Variants in OR10A2 observed in about 807,000 individuals in gnomAD.
OR10A2 encodes olfactory receptor 10A2.
Under a neutral mutation model 13.7 loss-of-function variants are expected in OR10A2, and 15 were observed. That is an observed-to-expected ratio of 1.10 (90% CI 0.73 to 1.69). The LOEUF (loss-of-function observed/expected upper bound fraction) is 1.69. Ranked by LOEUF, OR10A2 falls within the 40% of genes most tolerant of loss-of-function variation. The pLI is 0.00. For missense variants in OR10A2, 343 were observed against 361.1 expected, an observed-to-expected ratio of 0.95 and a Z score of 0.41; for synonymous variants, 145 against 144.7, an observed-to-expected ratio of 1.00 and a Z score of -0.02.
chr11:6,868,304 C>A (rs1848396149), intron 1 of OR10A2, among the ~76,000 whole-genome samples: 1 of 152,056 alleles, frequency 6.6e-6, no homozygotes, highest in Non-Finnish European at 1.5e-5. Context: ...CAAGACCTGA[C>A]TAATATTTAG....
intron 1 of OR10A2, 118 bp from the exon 2 acceptor site, chr11:6,869,505 G>A: frequency 1.9e-6 from 1 of 520,686 alleles, no homozygotes; most frequent in South Asian, 2.6e-5. Flanking sequence ...TCCTCTAGAA[G>A]CTGATTCAGG....
Position 6,870,500 on chromosome 11 carries a change from C to G in OR10A2, c.746C>G (p.Pro249Arg). 1 of 1,614,126 alleles carries G rather than the reference C, an allele frequency of 6.2e-7. No homozygotes were observed. Among genetic ancestry groups the G allele is most frequent in the Non-Finnish European group, 8.5e-7 (1 of 1,179,998 alleles). Reference protein sequence around the residue: ...YISLSLTYFRPKSNNSPEGKK... With the variant: ...YISLSLTYFRRKSNNSPEGKK... ...TCATTAAGCCTCACCTACTTCCGGC[C>G]TAAATCAAATAATTCACCTGAGGGC... is the stretch of plus-strand genomic sequence containing the variant. Residue 249 changes from proline to arginine, a missense_variant, in exon 2 of 2, where the codon CCT (proline) becomes CGT (arginine). Pro to Arg is a moderately radical substitution (Grantham distance 103, BLOSUM62 -2). Transcript: ENST00000641461.
rs1848437257 is a variant in OR10A2, at chr11:6,871,689, G to T, written c.*1023G>T. 1 of 152,008 alleles carries T rather than the reference G, an allele frequency of 6.6e-6. No individual in the cohort carries two copies. The highest frequency in any genetic ancestry group is 2.4e-5 in the African/African-American group (1 of 41,390). The allele number at this position is 152,008 out of a possible 1,614,324, so 9.4% of individuals were successfully genotyped here. ...TAAATTTCAGTCATAGCTTTGCTTT[G>T]ATGAGAACAAAGCTCCAGAATAAGT... On this transcript the variant is annotated 3_prime_UTR_variant, in exon 2 of 2. Coordinates refer to ENST00000641461, the MANE Select transcript of OR10A2 (RefSeq NM_001004460.2).
Position 6,870,569 on chromosome 11 carries a change from T to A in OR10A2, c.815T>A (p.Leu272Ter). The A allele has an allele frequency of 6.2e-7, 1 of 1,614,144 alleles. No homozygotes were observed. The highest frequency in any genetic ancestry group is 2.2e-5 in the East Asian group (1 of 44,886). ...SLSYTVMTPM[L>*]NPIIYSLRNN... ...TCCTACACTGTTATGACTCCCATGTTGAACCCCATTATCTACAGCCTGAGA... is the reference window on the plus strand; with the variant it reads ...TCCTACACTGTTATGACTCCCATGTAGAACCCCATTATCTACAGCCTGAGA... Residue 272 changes from leucine to a stop codon, truncating the protein, a stop_gained, in exon 2 of 2, where the codon TTG (leucine) becomes TAG (stop). Coordinates refer to ENST00000641461, the MANE Select transcript of OR10A2 (RefSeq NM_001004460.2). LOFTEE classifies it high-confidence loss of function.
chr11:6,869,986 A>G lies in OR10A2; in HGVS notation c.232A>G (p.Thr78Ala). Residue 78 changes from threonine (T) to alanine (A), a missense_variant, in exon 2 of 2, where the codon ACC becomes GCC. By Grantham distance (58) the Thr-to-Ala change is moderately conservative. Transcript: ENST00000641461. ...GGGGACCCTGCTTGCCCAGGACACA[A>G]CCATCTCCTTCCTTGGCTGTGCCAC... ...MLGTLLAQDTTISFLGCATQM... is the reference protein window; with the variant it reads ...MLGTLLAQDTAISFLGCATQM... The G allele has an allele frequency of 1.2e-6, 2 of 1,614,128 alleles. No individual in the cohort carries two copies. Among genetic ancestry groups the G allele is most frequent in the Non-Finnish European group, 1.7e-6 (2 of 1,180,012 alleles).
Position 6,873,375 on chromosome 11 carries a change from C to A in OR10A2, c.*2709C>A, listed in dbSNP as rs1043128152. 6.6e-6 allele frequency: 1 copy of A among 152,210 alleles called. No individual in the cohort carries two copies. Among genetic ancestry groups the A allele is most frequent in the Non-Finnish European group, 1.5e-5 (1 of 68,048 alleles). The allele number at this position is 152,210 out of a possible 1,614,324, so 9.4% of individuals were successfully genotyped here. ...AACAACAGTAGAATGAAAATACCAA[C>A]AATGCTTGGATTAGAACAATGATGC... On this transcript the variant is annotated 3_prime_UTR_variant, in exon 2 of 2. Coordinates refer to ENST00000641461, the MANE Select transcript of OR10A2 (RefSeq NM_001004460.2).
chr11:6,865,508 G>T (rs1054260955), intron 1 of OR10A2, among the ~76,000 whole-genome samples: 1 of 151,946 alleles, frequency 6.6e-6, no homozygotes, highest in African/African-American at 2.4e-5. Flanking sequence ...ATAATAGTCA[G>T]CACTGAACAA....
rs376064028 is a variant in OR10A2, at chr11:6,872,727, A to G, written c.*2061A>G. On this transcript the variant is annotated 3_prime_UTR_variant, in exon 2 of 2. Coordinates refer to ENST00000641461, the MANE Select transcript of OR10A2 (RefSeq NM_001004460.2). ...GGTATCGAACTTCTGAGTTCAAGCA[A>G]TCCTTCTGCCTGAACCTCTCAAAGT... is the stretch of plus-strand genomic sequence containing the variant. 4.6e-5 allele frequency: 7 copies of G among 152,164 alleles called. No homozygotes were observed. Among genetic ancestry groups the G allele is most frequent in the African/African-American group, 1.7e-4 (7 of 41,494 alleles). The allele number at this position is 152,164 out of a possible 1,614,324, so 9.4% of individuals were successfully genotyped here.
At position 6,874,335 on chromosome 11, in the gene OR10A2, T is replaced by C. The variant is rs1430893899; in HGVS notation, c.*3669T>C. 6.6e-6 allele frequency: 1 copy of C among 152,240 alleles called. No individual in the cohort carries two copies. Among genetic ancestry groups the C allele is most frequent in the Non-Finnish European group, 1.5e-5 (1 of 68,040 alleles). 9.4% of individuals were successfully genotyped at this position (152,240 alleles called of 1,614,324 possible). On this transcript the variant is annotated 3_prime_UTR_variant, in exon 2 of 2. Transcript: ENST00000641461. Reference sequence around the variant, plus strand: ...CACAATTTCTATTTCAAGGAGCATGTCATCTACTGTATGAGACAAATACAT... The same window carrying C: ...CACAATTTCTATTTCAAGGAGCATGCCATCTACTGTATGAGACAAATACAT...
In OR10A2 at chr11:6,874,478, C is replaced by A. The variant is rs1848465961; in HGVS notation, c.*3812C>A. ...AAATTGTGTTGCTTTGTTCTTACTA[C>A]CACCCTGTACTGGATACTGGCTTGT... On this transcript the variant is annotated 3_prime_UTR_variant, in exon 2 of 2. Coordinates refer to ENST00000641461, the MANE Select transcript of OR10A2 (RefSeq NM_001004460.2). The A allele has an allele frequency of 6.6e-6, 1 of 151,484 alleles. No individual in the cohort carries two copies. The highest frequency in any genetic ancestry group is 2.1e-4 in the South Asian group (1 of 4,774). The allele number at this position is 151,484 out of a possible 1,614,324, so 9.4% of individuals were successfully genotyped here.
At chr11:6,864,064 G>A (rs115635227) in intron 1 of OR10A2, among the ~76,000 whole-genome samples, 2,373 of 152,296 alleles carry the variant, frequency 0.016, 53 homozygotes, top group African/African-American at 0.055. Context: ...GAAGCCAAAA[G>A]ATTGGACACC....
At position 6,870,558 on chromosome 11, in the gene OR10A2, G is replaced by A. The variant is rs1381378712; in HGVS notation, c.804G>A (p.Met268Ile). The A allele has an allele frequency of 1.2e-6, 2 of 1,613,958 alleles. No individual in the cohort carries two copies. The highest frequency in any genetic ancestry group is 1.7e-5 in the Admixed American group (1 of 60,006). ...TGCTATCATTGTCCTACACTGTTAT[G>A]ACTCCCATGTTGAACCCCATTATCT... is the stretch of plus-strand genomic sequence containing the variant. Reference protein sequence around the residue: ...KKLLSLSYTVMTPMLNPIIYS... With the variant: ...KKLLSLSYTVITPMLNPIIYS... Residue 268 changes from methionine to isoleucine, a missense_variant, in exon 2 of 2, where the codon ATG becomes ATA. Met to Ile is a conservative substitution (Grantham distance 10). Transcript: ENST00000641461.
Position 6,869,685 on chromosome 11 carries a change from C to G in OR10A2, c.-70C>G. The G allele has an allele frequency of 7.9e-7, 1 of 1,262,194 alleles. No homozygotes were observed. The allele number at this position is 1,262,194 out of a possible 1,614,324, so 78.2% of individuals were successfully genotyped here. A position where few individuals can be genotyped will look rare whatever the true frequency, so the allele number is the denominator to read the frequency against. ...TCCAATCAATAATCTTTCTCCATGA[C>G]CACAGTTGGGGACTTCTGCCCACAC... On this transcript the variant is annotated 5_prime_UTR_variant, in exon 2 of 2. Coordinates refer to ENST00000641461, the MANE Select transcript of OR10A2 (RefSeq NM_001004460.2).
In OR10A2 at chr11:6,870,905, T is replaced by C. The variant is rs1848427489; in HGVS notation, c.*239T>C. On this transcript the variant is annotated 3_prime_UTR_variant, in exon 2 of 2. Transcript: ENST00000641461. The stretch of plus-strand genomic sequence containing the variant: ...ATTGTTTTCCTTGTTTCAACTGGTA[T>C]GACAGCACTTCTGTGGCCAACTATT... The C allele has an allele frequency of 2.5e-6, 1 of 397,868 alleles. No homozygotes were observed. The highest frequency in any genetic ancestry group is 4.5e-6 in the Non-Finnish European group (1 of 224,084). The allele number at this position is 397,868 out of a possible 1,614,324, so 24.6% of individuals were successfully genotyped here. A position where few individuals can be genotyped will look rare whatever the true frequency, so the allele number is the denominator to read the frequency against.
At chr11:6,868,286 T>G (rs1273210309) in intron 1 of OR10A2, among the ~76,000 whole-genome samples, 1 of 152,196 alleles carries the variant, frequency 6.6e-6, no homozygotes, top group African/African-American at 2.4e-5. Context: ...GAAGTTCAAA[T>G]TATTCACCAA....
intron 1 of OR10A2, among the ~76,000 whole-genome samples, chr11:6,868,080 C>CT (rs1848393938): frequency 6.6e-6 from 1 of 152,180 alleles, no homozygotes; most frequent in East Asian, 1.9e-4. Context: ...TTGAGATGAT[C>CT]TGTCTTTTCA....
At position 6,870,943 on chromosome 11, in the gene OR10A2, A is replaced by AT. The variant is rs1590019109; in HGVS notation, c.*280dup. 3 of 143,904 alleles carry AT rather than the reference A, an allele frequency of 2.1e-5. No homozygotes were observed. The highest frequency in any genetic ancestry group is 3.9e-5 in the Non-Finnish European group (3 of 76,704). The allele number at this position is 143,904 out of a possible 1,614,324, so 8.9% of individuals were successfully genotyped here. A position where few individuals can be genotyped will look rare whatever the true frequency, so the allele number is the denominator to read the frequency against. On this transcript the variant is annotated 3_prime_UTR_variant, in exon 2 of 2. Transcript: ENST00000641461. ...GTGGCCAACTATTTCCAGGTGTTAT[A>AT]TTTCTTTTTTTTTTTTTTTTTGAGA...
chr11:6,869,989 A>G lies in OR10A2; in HGVS notation c.235A>G (p.Ile79Val). The G allele has an allele frequency of 6.2e-7, 1 of 1,614,130 alleles. No homozygotes were observed. Among genetic ancestry groups the G allele is most frequent in the Non-Finnish European group, 8.5e-7 (1 of 1,180,008 alleles). The part of the protein sequence containing the change: ...LGTLLAQDTT[I>V]SFLGCATQMY... ...GACCCTGCTTGCCCAGGACACAACC[A>G]TCTCCTTCCTTGGCTGTGCCACTCA... Residue 79 changes from isoleucine (I) to valine (V), a missense_variant, in exon 2 of 2, where the codon ATC becomes GTC. Transcript: ENST00000641461.
At position 6,869,630 on chromosome 11, in the gene OR10A2, G is replaced by GAA. The variant is rs1848407733; in HGVS notation, c.-124_-123insAA. On this transcript the variant is annotated 5_prime_UTR_variant, in exon 2 of 2. An upstream open reading frame in the 5' UTR gains an earlier in-frame stop. Coordinates refer to ENST00000641461, the MANE Select transcript of OR10A2 (RefSeq NM_001004460.2). ...TGCCTCTTTCCCTGACAGTAAGAACGAGTCTGAAAAACAAATTGAGAATCT... is the reference window on the plus strand; with the variant it reads ...TGCCTCTTTCCCTGACAGTAAGAACGAAAGTCTGAAAAACAAATTGAGAATCT... The GAA allele has an allele frequency of 2.3e-6, 2 of 874,366 alleles. No individual in the cohort carries two copies. The highest frequency in any genetic ancestry group is 1.7e-5 in the African/African-American group (1 of 59,844). 54.2% of individuals were successfully genotyped at this position (874,366 alleles called of 1,614,324 possible).
Sources: allele counts gnomAD v4.1 joint callset (sites outside exome capture counted in the v4.1 genomes callset), GRCh38; gene constraint gnomAD v4.1.1; transcripts MANE v1.5; gene names NCBI Gene and HGNC (gene_info 2026-07-23, HGNC 2026-07-21).